ERCC1: variants seen among roughly 807,000 people sequenced by gnomAD.
The protein encoded by ERCC1 is ERCC excision repair 1, endonuclease non-catalytic subunit, also known as DNA excision repair protein ERCC-1.
ERCC1 carries 36 observed loss-of-function variants against 37.6 expected under a neutral mutation model. That is an observed-to-expected ratio of 0.96 (90% CI 0.73 to 1.26). The LOEUF (loss-of-function observed/expected upper bound fraction) is 1.26, where lower values mean the gene tolerates loss of function less well. Among genes scored for constraint, ERCC1 ranks in the 50% most tolerant of loss-of-function variants. ERCC1 has a pLI of 0.00. For missense variants in ERCC1, 349 were observed against 376.5 expected (o/e 0.93, Z 0.60); for synonymous variants, 156 against 162.1 (o/e 0.96, Z 0.28).
chr19:45,436,121 C>T (rs73564947), intron 1 of ERCC1, among the ~76,000 whole-genome samples: 11,988 of 152,092 alleles, frequency 0.079, 1,535 homozygotes, highest in African/African-American at 0.27. Context: ...CCCACGGAGC[C>T]TGGATGAAGA....
rs943177617 is a variant in ERCC1, at chr19:45,414,400, C to T, written c.703-366G>A. On this transcript the variant is annotated intron_variant, in intron 7 of 9. Coordinates refer to ENST00000300853, the MANE Select transcript of ERCC1 (RefSeq NM_001983.4). ...GCTCAGGCAGGAGAATCACTTGAACCTGGGAGGCAGAGGTTGCAGTGAGCC... is the reference window on the plus strand; with the variant it reads ...GCTCAGGCAGGAGAATCACTTGAACTTGGGAGGCAGAGGTTGCAGTGAGCC... The T allele has an allele frequency of 8.1e-6, 3 of 369,570 alleles. 1 individual carries two copies. The Middle Eastern group carries it at 2.7e-3, about 336-fold the overall frequency. 22.9% of individuals were successfully genotyped at this position (369,570 alleles called of 1,614,324 possible). A position where few individuals can be genotyped will look rare whatever the true frequency, so the allele number is the denominator to read the frequency against.
At chr19:45,439,598 C>A (rs1161999432) in intron 1 of ERCC1, among the ~76,000 whole-genome samples, 8 of 152,172 alleles carry the variant, frequency 5.3e-5, no homozygotes, top group Non-Finnish European at 4.4e-5. Context: ...TCAGGCCCAG[C>A]TCCTGCCTGC....
intron 9 of ERCC1, 80 bp from the exon 10 acceptor site, chr19:45,409,805 T>A: frequency 1.4e-6 from 1 of 719,764 alleles, no homozygotes; most frequent in Non-Finnish European, 2.6e-6. Context: ...GGGGTTTTGG[T>A]TCTTTATTTT....
chr19:45,438,319 C>T (rs1414088391), intron 1 of ERCC1, among the ~76,000 whole-genome samples: 1 of 152,178 alleles, frequency 6.6e-6, no homozygotes, highest in Non-Finnish European at 1.5e-5. Context: ...CCTCCTGCTT[C>T]GGCCTCCCAA....
intron 6 of ERCC1, 51 bp from the exon 7 acceptor site, chr19:45,415,011 A>G: frequency 7.2e-7 from 1 of 1,393,376 alleles, no homozygotes; most frequent in Non-Finnish European, 1.0e-6. Context: ...CAGATTATAG[A>G]TTTGCTTCAT....
chr19:45,441,193 T>G (rs1975110798), intron 1 of ERCC1, among the ~76,000 whole-genome samples: 1 of 152,328 alleles, frequency 6.6e-6, no homozygotes, highest in Non-Finnish European at 1.5e-5. Flanking sequence ...CCTGAGATTC[T>G]CAGTGCCCAC....
chr19:45,416,288 G>A (rs1974064743), intron 6 of ERCC1, among the ~76,000 whole-genome samples: 2 of 152,222 alleles, frequency 1.3e-5, no homozygotes, highest in African/African-American at 2.4e-5. Context: ...GTTTGTACTG[G>A]GTTTGACAGG....
At chr19:45,436,989 C>T (rs988677855) in intron 1 of ERCC1, among the ~76,000 whole-genome samples, 8 of 151,990 alleles carry the variant, frequency 5.3e-5, no homozygotes, top group South Asian at 4.2e-4. Flanking sequence ...GTGGCTCACG[C>T]GTGTAATCCC....
chr19:45,408,098 A>T lies in ERCC1; in HGVS notation c.*1577T>A, dbSNP rs1363047294. 1 of 1,554,376 alleles carries T rather than the reference A, an allele frequency of 6.4e-7. No individual in the cohort carries two copies. The highest frequency in any genetic ancestry group is 1.2e-5 in the South Asian group (1 of 84,442). ...CAAAAAACCTTCCCTCTCCTGTTCC[A>T]CTTAAGCCTCTGCCCTCCCTGTTTC... is the stretch of plus-strand genomic sequence containing the variant. On this transcript the variant is annotated 3_prime_UTR_variant, in exon 10 of 10. Coordinates refer to ENST00000300853, the MANE Select transcript of ERCC1 (RefSeq NM_001983.4).
chr19:45,418,958 C>T (rs972653698), intron 5 of ERCC1, 140 bp downstream of exon 5: 1 of 704,162 alleles, frequency 1.4e-6, no homozygotes, highest in Non-Finnish European at 2.6e-6. Context: ...AACATAATGT[C>T]TTGGTGACCC....
rs1356212948 is a variant in ERCC1, at chr19:45,420,514, C to T, written c.322-87G>A. ...TCCTCCACCTCTTCTTGCACCTCCT[C>T]CCTCCTCCCACCTCTTCCCACACCT... On this transcript the variant is annotated intron_variant, in intron 3 of 9. Coordinates refer to ENST00000300853, the MANE Select transcript of ERCC1 (RefSeq NM_001983.4). The surrounding 1 kb of genome is among the most constrained non-coding windows in gnomAD (Gnocchi z 4.8). 2.5e-6 allele frequency: 2 copies of T among 814,392 alleles called. No homozygotes were observed. The highest frequency in any genetic ancestry group is 4.2e-6 in the Non-Finnish European group (2 of 477,116). 50.4% of individuals were successfully genotyped at this position (814,392 alleles called of 1,614,324 possible).
chr19:45,431,548 A>G lies in ERCC1; in HGVS notation c.-7-8167T>C, dbSNP rs541643526. On this transcript the variant is annotated intron_variant, in intron 1 of 8. Transcript: ENST00000423698. ...AAAAATTAGCTGGGCGTGGTGGCAC[A>G]CGCCTGTAATCCCAGCTACTTGGGA... 1.1e-4 allele frequency among the ~76,000 whole-genome samples: 17 copies of G among 152,278 alleles called. No homozygotes were observed. In the South Asian group the frequency reaches 3.3e-3, roughly 30 times the overall value.
chr19:45,441,563 C>T (rs755808687), intron 1 of ERCC1, among the ~76,000 whole-genome samples: 2 of 152,086 alleles, frequency 1.3e-5, no homozygotes. Context: ...TTTGTAGAGA[C>T]GGGGTTTTAC....
chr19:45,423,124 A>G, intron 2 of ERCC1, 146 bp downstream of exon 2: 1 of 732,412 alleles, frequency 1.4e-6, no homozygotes, highest in Non-Finnish European at 2.3e-6. Context: ...GGAAACTGGG[A>G]CCTGGGGAGG....
intron 1 of ERCC1, among the ~76,000 whole-genome samples, chr19:45,450,041 G>A (rs1342744400): frequency 6.6e-6 from 1 of 152,164 alleles, no homozygotes; most frequent in Non-Finnish European, 1.5e-5. Flanking sequence ...TATTTTATAC[G>A]GAGCACTTAT....
chr19:45,431,860 C>T (rs1974840998), intron 1 of ERCC1, among the ~76,000 whole-genome samples: 1 of 152,094 alleles, frequency 6.6e-6, no homozygotes, highest in Admixed American at 6.6e-5. Context: ...CCCTGGCACC[C>T]CAGCCTGGAC....
At chr19:45,418,430 G>A (rs1190775845) in intron 5 of ERCC1, among the ~76,000 whole-genome samples, 1 of 152,206 alleles carries the variant, frequency 6.6e-6, no homozygotes, top group Non-Finnish European at 1.5e-5. Flanking sequence ...TGAGGCAGGA[G>A]AATCGTTTGA....
intron 1 of ERCC1, among the ~76,000 whole-genome samples, chr19:45,437,898 G>C (rs1003898876): frequency 6.7e-6 from 1 of 150,344 alleles, no homozygotes; most frequent in South Asian, 2.1e-4. Flanking sequence ...TTGTCACTAC[G>C]TGTTCTCATC....
intron 2 of ERCC1, among the ~76,000 whole-genome samples, chr19:45,422,816 C>G (rs1436200647): frequency 6.6e-6 from 1 of 152,088 alleles, no homozygotes; most frequent in Non-Finnish European, 1.5e-5. Context: ...CCATCATGCC[C>G]TACATCCTTA....
Sources: allele counts gnomAD v4.1 joint callset (sites outside exome capture counted in the v4.1 genomes callset), GRCh38; gene constraint gnomAD v4.1.1; non-coding constraint Gnocchi (gnomAD v3.1); transcripts MANE v1.5; gene names NCBI Gene and HGNC (gene_info 2026-07-23, HGNC 2026-07-21).